Variants in RBFOX1 observed in about 807,000 individuals in gnomAD.
RBFOX1 encodes the protein RNA binding protein fox-1 homolog 1.
In RBFOX1, 8 loss-of-function variants were observed where a neutral mutation model predicts 57.7. The observed-to-expected ratio is 0.14, with a 90% CI of 0.08 to 0.25. The LOEUF (loss-of-function observed/expected upper bound fraction) is 0.25, where lower values mean the gene tolerates loss of function less well. RBFOX1 is among the 10% of genes least tolerant of loss of function. The pLI, the probability that RBFOX1 is intolerant of heterozygous loss-of-function variation, is 1.00. For synonymous variants in RBFOX1, 326 were observed against 222.4 expected, an observed-to-expected ratio of 1.47 and a Z score of -4.15; for missense variants, 611 against 548.5, an observed-to-expected ratio of 1.11 and a Z score of -1.14.
At chr16:7,663,256 T>G (rs544604910) in intron 12 of RBFOX1, among the ~76,000 whole-genome samples, 37 of 152,334 alleles carry the variant, frequency 2.4e-4, no homozygotes, top group African/African-American at 8.9e-4. Context: ...GATGCACACC[T>G]CAGCATCTTG....
At chr16:5,673,942 G>T (rs1304520726) in intron 3 of RBFOX1, among the ~76,000 whole-genome samples, 2 of 152,212 alleles carry the variant, frequency 1.3e-5, no homozygotes, top group Non-Finnish European at 2.9e-5. Flanking sequence ...GGGGAATGAG[G>T]AAGCCCCATG....
At chr16:7,171,674 A>G (rs1206806713) in intron 4 of RBFOX1, among the ~76,000 whole-genome samples, 2 of 152,174 alleles carry the variant, frequency 1.3e-5, no homozygotes, top group Admixed American at 1.3e-4. Flanking sequence ...GGCCATTGCA[A>G]ATGGATTTAG....
At chr16:6,867,441 G>C (rs1466122925) in intron 3 of RBFOX1, among the ~76,000 whole-genome samples, 1 of 152,060 alleles carries the variant, frequency 6.6e-6, no homozygotes, top group South Asian at 2.1e-4. Flanking sequence ...AAAGGGGGCC[G>C]GGTGTGGGGG....
intron 2 of RBFOX1, among the ~76,000 whole-genome samples, chr16:5,513,382 C>T (rs574295758): frequency 1.3e-4 from 20 of 152,246 alleles, no homozygotes; most frequent in South Asian, 6.2e-4. Context: ...CATGTCATAT[C>T]GAGGGTGCCA....
At chr16:7,473,730 T>G (rs552216297) in intron 4 of RBFOX1, among the ~76,000 whole-genome samples, 13 of 152,188 alleles carry the variant, frequency 8.5e-5, no homozygotes, top group African/African-American at 2.9e-4. Context: ...GATTTACTAG[T>G]ATGCTCCCTC....
intron 2 of RBFOX1, among the ~76,000 whole-genome samples, chr16:5,470,299 A>G (rs768076653): frequency 6.6e-6 from 1 of 152,132 alleles, no homozygotes; most frequent in Non-Finnish European, 1.5e-5. Flanking sequence ...AGGGAAGGGG[A>G]GACAGGCTCT....
chr16:6,919,091 T>C (rs186925965), intron 3 of RBFOX1, among the ~76,000 whole-genome samples: 1 of 152,308 alleles, frequency 6.6e-6, no homozygotes, highest in Admixed American at 6.5e-5. Context: ...GCCATTCTCC[T>C]GTCTCAGCCT....
At chr16:7,014,273 C>T (rs777631620) in intron 3 of RBFOX1, among the ~76,000 whole-genome samples, 1 of 152,098 alleles carries the variant, frequency 6.6e-6, no homozygotes, top group Non-Finnish European at 1.5e-5. Context: ...TGTGCAGTGG[C>T]ATGATTTTGG....
chr16:6,103,751 C>A (rs995524206), intron 1 of RBFOX1, among the ~76,000 whole-genome samples: 1 of 152,076 alleles, frequency 6.6e-6, no homozygotes, highest in African/African-American at 2.4e-5. Context: ...ATGCCATTGG[C>A]CAGAACCAGT....
intron 4 of RBFOX1, among the ~76,000 whole-genome samples, chr16:7,196,491 A>G (rs1283006747): frequency 1.3e-5 from 2 of 152,186 alleles, no homozygotes; most frequent in East Asian, 1.9e-4. Flanking sequence ...CTTCCCAAAC[A>G]TTTAAGAGGC....
At chr16:7,273,995 A>G (rs1180246981) in intron 4 of RBFOX1, among the ~76,000 whole-genome samples, 1 of 152,192 alleles carries the variant, frequency 6.6e-6, no homozygotes, top group Non-Finnish European at 1.5e-5. Flanking sequence ...ACTGTGGTTG[A>G]AGGACCCTCC....
intron 3 of RBFOX1, among the ~76,000 whole-genome samples, chr16:7,041,170 A>G: frequency 6.9e-6 from 1 of 143,896 alleles, no homozygotes; most frequent in Non-Finnish European, 1.5e-5. Context: ...ATCTGACCTC[A>G]TGATCCACCC....
At chr16:6,096,627 C>T (rs1011237538) in intron 1 of RBFOX1, among the ~76,000 whole-genome samples, 1 of 152,156 alleles carries the variant, frequency 6.6e-6, no homozygotes, top group Non-Finnish European at 1.5e-5. Context: ...CCAACACTTT[C>T]TTTTCATTGG....
intron 2 of RBFOX1, among the ~76,000 whole-genome samples, chr16:5,548,022 G>A (rs370790997): frequency 1.3e-4 from 20 of 151,560 alleles, no homozygotes; most frequent in East Asian, 9.7e-4. Context: ...TTAACCGGGC[G>A]TGGTGGCTTG....
chr16:6,458,570 T>C (rs1231167056), intron 2 of RBFOX1, among the ~76,000 whole-genome samples: 1 of 152,118 alleles, frequency 6.6e-6, no homozygotes, highest in East Asian at 1.9e-4. Flanking sequence ...GCATCAACCA[T>C]TGGTGTTTCA....
At chr16:6,754,214 T>C (rs1258971635) in intron 3 of RBFOX1, among the ~76,000 whole-genome samples, 1 of 152,200 alleles carries the variant, frequency 6.6e-6, no homozygotes, top group Non-Finnish European at 1.5e-5. Flanking sequence ...AAAGTGTCTA[T>C]GCTCTGGGGT....
intron 4 of RBFOX1, among the ~76,000 whole-genome samples, chr16:7,399,319 T>A (rs190172446): frequency 6.6e-6 from 1 of 152,228 alleles, no homozygotes; most frequent in East Asian, 1.9e-4. Flanking sequence ...CGATGGCGCA[T>A]GCCTGTAATC....
At chr16:7,084,350 A>G (rs1325497517) in intron 4 of RBFOX1, among the ~76,000 whole-genome samples, 5 of 152,166 alleles carry the variant, frequency 3.3e-5, no homozygotes, top group Admixed American at 3.3e-4. Context: ...GAAGAAAGAA[A>G]AAAATGTGGA....
intron 3 of RBFOX1, among the ~76,000 whole-genome samples, chr16:6,931,333 C>G (rs1248070402): frequency 7.9e-6 from 1 of 126,666 alleles, no homozygotes; most frequent in African/African-American, 3.7e-5. Context: ...ATCTATCTAT[C>G]TATCTCTACA....
Sources: allele counts gnomAD v4.1 joint callset (sites outside exome capture counted in the v4.1 genomes callset), GRCh38; gene constraint gnomAD v4.1.1; transcripts MANE v1.5; gene names NCBI Gene and HGNC (gene_info 2026-07-23, HGNC 2026-07-21).